The following DNAH10 variants were observed in gnomAD, a reference collection of about 807,000 sequenced individuals.
DNAH10 encodes the protein axonemal beta dynein heavy chain 10.
DNAH10 carries 348 observed loss-of-function variants against 506.6 expected under a neutral mutation model. That is an observed-to-expected ratio of 0.69 (90% CI 0.63 to 0.75). The LOEUF (loss-of-function observed/expected upper bound fraction) is 0.75. DNAH10 is among the 30% of genes least tolerant of loss of function. The pLI is 0.00. For synonymous variants in DNAH10, 2,059 were observed against 2,198.6 expected (o/e 0.94, Z 1.78); for missense variants, 5,179 against 5,787.1 (o/e 0.89, Z 3.41).
At chr12:123,800,516 A>G in intron 15 of DNAH10, 128 bp downstream of exon 15, 2 of 937,682 alleles carry the variant, frequency 2.1e-6, no homozygotes, top group South Asian at 1.9e-5. Flanking sequence ...ATGAATTCTT[A>G]CCACATTAGA....
At chr12:123,789,668 A>T (rs1235213185) in intron 10 of DNAH10, among the ~76,000 whole-genome samples, 4 of 152,120 alleles carry the variant, frequency 2.6e-5, no homozygotes, top group Non-Finnish European at 4.4e-5. Context: ...CTGCAAGTGC[A>T]AAGGTCCTGA....
intron 57 of DNAH10, among the ~76,000 whole-genome samples, chr12:123,908,989 G>C (rs80308427): frequency 6.6e-6 from 1 of 152,252 alleles, no homozygotes; most frequent in Middle Eastern, 3.4e-3. Context: ...TGATCCAGAC[G>C]CTCCGGGGAC....
chr12:123,917,943 G>T lies in DNAH10; in HGVS notation c.11232+130G>T. The stretch of plus-strand genomic sequence containing the variant: ...TCAGGGCTAAAAACCCACCTCTATT[G>T]GGATGTGCTGTGGGGAGGGGAGCCC... On this transcript the variant is annotated intron_variant, in intron 64 of 78. Coordinates refer to ENST00000673944, the MANE Select transcript of DNAH10 (RefSeq NM_001372106.1). This position sits in a 1 kb window ranked among gnomAD's most constrained non-coding sequence, Gnocchi z 5.6. 3 of 990,134 alleles carry T rather than the reference G, an allele frequency of 3.0e-6. No homozygotes were observed. Among genetic ancestry groups the T allele is most frequent in the Non-Finnish European group, 4.5e-6 (3 of 673,122 alleles). The allele number at this position is 990,134 out of a possible 1,614,324, so 61.3% of individuals were successfully genotyped here. A position where few individuals can be genotyped will look rare whatever the true frequency, so the allele number is the denominator to read the frequency against.
intron 7 of DNAH10, 133 bp from the exon 8 acceptor site, chr12:123,783,814 T>TC: frequency 1.3e-6 from 1 of 765,288 alleles, no homozygotes. Context: ...CCACCCAGGG[T>TC]CAAGAGCCCA....
intron 12 of DNAH10, among the ~76,000 whole-genome samples, chr12:123,796,178 C>T (rs561452371): frequency 5.9e-5 from 9 of 152,210 alleles, no homozygotes; most frequent in East Asian, 1.9e-4. Flanking sequence ...TTACTACAGC[C>T]GGGCTCGGTG....
chr12:123,790,656 G>A (rs1412656912), intron 11 of DNAH10, among the ~76,000 whole-genome samples: 1 of 152,256 alleles, frequency 6.6e-6, no homozygotes, highest in East Asian at 1.9e-4. Flanking sequence ...ATTGTCTGAG[G>A]CAGAGCAAAC....
chr12:123,787,811 C>A lies in DNAH10; in HGVS notation c.1429C>A (p.Arg477=), dbSNP rs914263127. Residue 477 remains arginine (R), a synonymous_variant, in exon 10 of 79, where the codon CGA becomes AGA. Transcript: ENST00000673944. This position sits in a 1 kb window ranked among gnomAD's most constrained non-coding sequence, Gnocchi z 4.6. ...VNLRTLFKEN[R]ASAQSKTLEA... ...CATCTCTTGGCTTCGCAGAGAAAAT[C>A]GAGCGAGTGCCCAAAGCAAAACCTT... The A allele has an allele frequency of 1.2e-6, 2 of 1,613,534 alleles. No individual in the cohort carries two copies. The highest frequency in any genetic ancestry group is 1.7e-6 in the Non-Finnish European group (2 of 1,179,872).
chr12:123,868,783 A>T (rs968847727), intron 43 of DNAH10, among the ~76,000 whole-genome samples: 3 of 152,270 alleles, frequency 2.0e-5, no homozygotes, highest in African/African-American at 7.2e-5. Flanking sequence ...TTTAAAGTTT[A>T]AAATGAAATG....
At chr12:123,910,514 A>G (rs1954015921) in intron 58 of DNAH10, 22 bp from the exon 59 acceptor site, 1 of 1,602,372 alleles carries the variant, frequency 6.2e-7, no homozygotes, top group Non-Finnish European at 8.5e-7. Flanking sequence ...ACTCATAAAA[A>G]TTATTGCATG....
At chr12:123,883,826 T>C (rs1186270219) in intron 51 of DNAH10, among the ~76,000 whole-genome samples, 1 of 152,182 alleles carries the variant, frequency 6.6e-6, no homozygotes, top group Admixed American at 6.5e-5. Flanking sequence ...TAGTGATTCT[T>C]ATTCCATGCA....
chr12:123,835,574 T>G (rs1186563348), intron 28 of DNAH10, 46 bp downstream of exon 28: 1 of 1,581,748 alleles, frequency 6.3e-7, no homozygotes, highest in Non-Finnish European at 8.6e-7. Context: ...GGGCAGCGAT[T>G]TGAGATATTT....
rs1402374983 is a variant in DNAH10, at chr12:123,909,649, C to T, written c.9997+207C>T. Among the ~76,000 whole-genome samples the T allele has an allele frequency of 1.3e-5, 2 of 152,168 alleles. No individual in the cohort carries two copies. Among genetic ancestry groups the T allele is most frequent in the African/African-American group, 2.4e-5 (1 of 41,432 alleles). On this transcript the variant is annotated intron_variant, in intron 58 of 78. Transcript: ENST00000673944. This position sits in a 1 kb window ranked among gnomAD's most constrained non-coding sequence, Gnocchi z 5.4. Reference sequence around the variant, plus strand: ...CCCAGGGAGAGTGGCTGGGGATGCGCGGCGGCAGCCGTGCCCACTGAGGGT... The same window carrying T: ...CCCAGGGAGAGTGGCTGGGGATGCGTGGCGGCAGCCGTGCCCACTGAGGGT...
At chr12:123,934,307 TG>T in intron 77 of DNAH10, 1 of 688,060 alleles carries the variant, frequency 1.5e-6, no homozygotes, top group Non-Finnish European at 2.7e-6. Flanking sequence ...CTTTCTAGCC[TG>T]GGGGCCCAGG....
chr12:123,926,588 C>A lies in DNAH10; in HGVS notation c.11922-49C>A. The A allele has an allele frequency of 6.3e-7, 1 of 1,586,896 alleles. No individual in the cohort carries two copies. Among genetic ancestry groups the A allele is most frequent in the South Asian group, 1.1e-5 (1 of 87,236 alleles). On this transcript the variant is annotated intron_variant, in intron 68 of 78. Transcript: ENST00000673944. The surrounding 1 kb of genome is among the most constrained non-coding windows in gnomAD (Gnocchi z 4.1). ...CTGATCAGACAGACCAGCCCCTGGTCTGGAGCTGTCCTCGCGGGAGAGTTT... is the reference window on the plus strand; with the variant it reads ...CTGATCAGACAGACCAGCCCCTGGTATGGAGCTGTCCTCGCGGGAGAGTTT...
At chr12:123,875,861 C>T (rs1177753354) in intron 47 of DNAH10, among the ~76,000 whole-genome samples, 1 of 152,154 alleles carries the variant, frequency 6.6e-6, no homozygotes, top group East Asian at 1.9e-4. Flanking sequence ...GTCTCTTGAA[C>T]TCTCCTAACC....
chr12:123,929,412 G>A lies in DNAH10; in HGVS notation c.12444G>A (p.Val4148=), dbSNP rs61746381. The change falls in exon 71 of 79, where the codon GTG becomes GTA. Residue 4148 remains valine (V), a synonymous_variant. Coordinates refer to ENST00000673944, the MANE Select transcript of DNAH10 (RefSeq NM_001372106.1). The part of the protein sequence containing the change: ...LVYVLAFFHA[V]VQERRKFGKI... ...ACGTGCTGGCGTTCTTTCATGCTGT[G>A]GTGCAGGAGAGAAGGAAGTTTGGGA... 1,266 of 1,613,694 alleles carry A rather than the reference G, an allele frequency of 7.8e-4. 8 individuals carry two copies. In the African/African-American group the frequency reaches 0.015, roughly 20 times the overall value.
intron 56 of DNAH10, among the ~76,000 whole-genome samples, chr12:123,901,286 C>T (rs538938276): frequency 3.3e-5 from 5 of 152,358 alleles, no homozygotes; most frequent in East Asian, 1.9e-4. Flanking sequence ...CACCACCCCC[C>T]ACCCCCGCGC....
chr12:123,831,097 T>A (rs1471093205), intron 26 of DNAH10, among the ~76,000 whole-genome samples: 6 of 152,246 alleles, frequency 3.9e-5, no homozygotes, highest in Admixed American at 6.5e-5. Flanking sequence ...TTTAAAAAAA[T>A]TTTTTCTTAT....
At chr12:123,810,089 A>G (rs553748126) in intron 19 of DNAH10, among the ~76,000 whole-genome samples, 1 of 152,330 alleles carries the variant, frequency 6.6e-6, no homozygotes, top group Non-Finnish European at 1.5e-5. Flanking sequence ...ATGGGAATAC[A>G]GACCTTGAGT....
Sources: gnomAD v4.1 joint callset for allele counts (sites outside exome capture counted in the v4.1 genomes callset) on GRCh38, gnomAD v4.1.1 for gene constraint, Gnocchi (gnomAD v3.1) non-coding constraint, MANE v1.5 for transcripts, NCBI Gene and HGNC (gene_info 2026-07-23, HGNC 2026-07-21) for gene names.